The following EPHA10 variants were observed in gnomAD, a reference collection of about 807,000 sequenced individuals.
EPHA10 encodes the protein EPH receptor A10, also known as ephrin type-A receptor 10.
In EPHA10, 120 loss-of-function variants were observed where a neutral mutation model predicts 109.7. That is an observed-to-expected ratio of 1.09 (90% CI 0.94 to 1.27). The LOEUF is 1.27. Ranked by LOEUF, EPHA10 falls within the 50% of genes most tolerant of loss-of-function variation. The pLI is 0.00. For synonymous variants in EPHA10, 640 were observed against 618.9 expected, an observed-to-expected ratio of 1.03 and a Z score of -0.51; for missense variants, 1,396 against 1,411.1, an observed-to-expected ratio of 0.99 and a Z score of 0.17.
At chr1:37,755,293 C>G (rs1044049614) in intron 3 of EPHA10, among the ~76,000 whole-genome samples, 1 of 151,866 alleles carries the variant, frequency 6.6e-6, no homozygotes, top group African/African-American at 2.4e-5. Flanking sequence ...AGAGCTGTTC[C>G]ACAGTTACGC....
In EPHA10 at chr1:37,723,117, G is replaced by T; in HGVS notation, c.1884C>A (p.Asp628Glu). 1.9e-6 allele frequency: 3 copies of T among 1,614,202 alleles called. No homozygotes were observed. The highest frequency in any genetic ancestry group is 2.5e-6 in the Non-Finnish European group (3 of 1,180,040). ...CGAACAGATGCACAGCCTGCAGCAG[G>T]TCCCCACAGCTCTGGGGGTCCAGGA... ...RTFLDPQSCG[D>E]LLQAVHLFAK... The change falls in exon 10 of 17, where the codon GAC becomes GAA. Residue 628 changes from aspartate to glutamate, a missense_variant. Physicochemically the swap from Asp to Glu is conservative, Grantham distance 45. Transcript: ENST00000373048.
rs746750052 is a variant in EPHA10 at position 37,723,078 on chromosome 1, A to C, written c.1923T>G (p.Asp641Glu). ...QAVHLFAKEL[D>E]AKSVTLERSL... ...TCCTCTCCAGCGTGACGCTTTTCGC[A>C]TCCAGTTCCTTGGCGAACAGATGCA... The change falls in exon 10 of 17, where the codon GAT becomes GAG. Residue 641 changes from aspartate to glutamate, a missense_variant. By Grantham distance (45) the Asp-to-Glu change is conservative (BLOSUM62 2). Coordinates refer to ENST00000373048, the MANE Select transcript of EPHA10 (RefSeq NM_001099439.2). The C allele has an allele frequency of 1.9e-6, 3 of 1,614,092 alleles. No homozygotes were observed. In the Admixed American group the frequency reaches 5.0e-5, roughly 27 times the overall value.
At position 37,718,652 on chromosome 1, in the gene EPHA10, T is replaced by C; in HGVS notation, c.2912+9A>G. The C allele has an allele frequency of 6.2e-7, 1 of 1,613,138 alleles. No individual in the cohort carries two copies. Among genetic ancestry groups the C allele is most frequent in the Non-Finnish European group, 8.5e-7 (1 of 1,180,018 alleles). Reference sequence around the variant, plus strand: ...AGCCCCGGCCTTGACCTTGGTGCCTTGGACTCACTGGGCAGTCATCTCGGC... The same window carrying C: ...AGCCCCGGCCTTGACCTTGGTGCCTCGGACTCACTGGGCAGTCATCTCGGC... On this transcript the variant is annotated intron_variant, in intron 16 of 16. Transcript: ENST00000373048.
At chr1:37,744,613 T>C (rs926597537) in intron 5 of EPHA10, among the ~76,000 whole-genome samples, 2 of 151,558 alleles carry the variant, frequency 1.3e-5, no homozygotes, top group South Asian at 2.1e-4. Flanking sequence ...TGAGCCAAGA[T>C]TGCACCACTG....
chr1:37,737,983 T>C (rs1022839435), intron 5 of EPHA10: 1 of 36,148 alleles, frequency 2.8e-5, no homozygotes, highest in Non-Finnish European at 5.7e-5. Flanking sequence ...GCAGTGGGAG[T>C]GGAGATGAAC....
At chr1:37,750,348 T>G (rs1185389363) in intron 5 of EPHA10, among the ~76,000 whole-genome samples, 1 of 152,056 alleles carries the variant, frequency 6.6e-6, no homozygotes, top group Non-Finnish European at 1.5e-5. Context: ...GTAAATGCAA[T>G]AGCAAATGTT....
intron 5 of EPHA10, among the ~76,000 whole-genome samples, chr1:37,741,903 G>A (rs989432900): frequency 6.6e-6 from 1 of 152,166 alleles, no homozygotes; most frequent in African/African-American, 2.4e-5. Flanking sequence ...GCAGCTCCCA[G>A]AAAAGGCCTG....
chr1:37,742,859 T>C (rs891575269), intron 5 of EPHA10, among the ~76,000 whole-genome samples: 2 of 152,088 alleles, frequency 1.3e-5, no homozygotes, highest in Non-Finnish European at 1.5e-5. Context: ...TAGCTAGGCA[T>C]GTTGGCATGC....
chr1:37,720,599 C>A, intron 12 of EPHA10, 45 bp from the exon 13 acceptor site: 1 of 1,576,454 alleles, frequency 6.3e-7, no homozygotes, highest in South Asian at 1.1e-5. Flanking sequence ...GCTTGGATCC[C>A]CTGGTGTTGT....
Position 37,719,439 on chromosome 1 carries a change from T to TG in EPHA10, c.2730dup (p.Lys911GlnfsTer72), listed in dbSNP as rs768727314. ...CTGGGACAGGTAGTCAGGGCACACT[T>TG]GGGGGGCTCTGGGTCCTGCACCATC... On this transcript the variant is annotated frameshift_variant, in exon 15 of 17. Coordinates refer to ENST00000373048, the MANE Select transcript of EPHA10 (RefSeq NM_001099439.2). LOFTEE classifies it high-confidence loss of function. 2.5e-6 allele frequency: 4 copies of TG among 1,613,386 alleles called. No individual in the cohort carries two copies. Among genetic ancestry groups the TG allele is most frequent in the South Asian group, 1.1e-5 (1 of 90,976 alleles).
At position 37,731,495 on chromosome 1, in the gene EPHA10, A is replaced by G. The variant is rs752094749; in HGVS notation, c.1579T>C (p.Phe527Leu). Reference protein sequence around the residue: ...TNLKPATRYVFQIRAASPGPS... With the variant: ...TNLKPATRYVLQIRAASPGPS... ...CCCGGGGAAGCGGCCCGGATCTGAA[A>G]GACGTAGCGGGTAGCCGGCTTCAGG... The change falls in exon 7 of 17, where the codon TTT (phenylalanine) becomes CTT (leucine). Residue 527 changes from phenylalanine to leucine, a missense_variant. Coordinates refer to ENST00000373048, the MANE Select transcript of EPHA10 (RefSeq NM_001099439.2). 8 of 1,614,072 alleles carry G rather than the reference A, an allele frequency of 5.0e-6. No homozygotes were observed. In the South Asian group the frequency reaches 8.8e-5, roughly 18 times the overall value.
At chr1:37,723,406 G>A in intron 8 of EPHA10, 34 bp from the exon 9 acceptor site, 3 of 1,610,294 alleles carry the variant, frequency 1.9e-6, no homozygotes, top group Admixed American at 1.7e-5. Flanking sequence ...CTTTCAGCCA[G>A]GCCACCCCGG....
chr1:37,727,582 C>T (rs1486001136), intron 7 of EPHA10, among the ~76,000 whole-genome samples: 1 of 152,186 alleles, frequency 6.6e-6, no homozygotes, highest in Non-Finnish European at 1.5e-5. Flanking sequence ...GACCATCCAC[C>T]AACAATAATA....
intron 3 of EPHA10, among the ~76,000 whole-genome samples, chr1:37,758,526 C>T (rs193209124): frequency 7.2e-5 from 11 of 152,328 alleles, no homozygotes; most frequent in Admixed American, 7.2e-4. Flanking sequence ...CCTTGACTTA[C>T]CTGACTGCTT....
intron 5 of EPHA10, among the ~76,000 whole-genome samples, chr1:37,749,470 C>T (rs1014907429): frequency 2.0e-5 from 3 of 151,570 alleles, no homozygotes; most frequent in South Asian, 2.1e-4. Context: ...GTCAAGAGTT[C>T]GAGACCAGCC....
At chr1:37,722,776 C>G (rs760890674) in intron 10 of EPHA10, 2 of 592,364 alleles carry the variant, frequency 3.4e-6, no homozygotes, top group Non-Finnish European at 6.3e-6. Context: ...TGGGACTAAA[C>G]TGCCAGTGGC....
At chr1:37,720,713 A>C in intron 12 of EPHA10, 70 bp downstream of exon 12, 1 of 1,587,240 alleles carries the variant, frequency 6.3e-7, no homozygotes, top group Non-Finnish European at 8.6e-7. Flanking sequence ...GCCCTACCAA[A>C]GAGAAAAGTG....
chr1:37,761,896 C>A lies in EPHA10; in HGVS notation c.359G>T (p.Gly120Val). Residue 120 changes from glycine to valine, a missense_variant, in exon 3 of 17, where the codon GGT (glycine) becomes GTT (valine). Gly to Val is a moderately radical substitution (Grantham distance 109). Coordinates refer to ENST00000373048, the MANE Select transcript of EPHA10 (RefSeq NM_001099439.2). ...GACGTTGAAGGTCTCCTTGCAGGTA[C>A]CCGCGGCGCCAGGGATGCTGCTGCA... ...RDCSSIPGAA[G>V]TCKETFNVYY... 1 of 1,611,666 alleles carries A rather than the reference C, an allele frequency of 6.2e-7. No homozygotes were observed. The highest frequency in any genetic ancestry group is 8.5e-7 in the Non-Finnish European group (1 of 1,178,262).
At chr1:37,753,767 G>T (rs1429626744) in intron 4 of EPHA10, among the ~76,000 whole-genome samples, 1 of 152,004 alleles carries the variant, frequency 6.6e-6, no homozygotes, top group Non-Finnish European at 1.5e-5. Flanking sequence ...AGAGACGGGG[G>T]CGTGGGGGCC....
Sources: gnomAD v4.1 joint callset for allele counts (sites outside exome capture counted in the v4.1 genomes callset) on GRCh38, gnomAD v4.1.1 for gene constraint, MANE v1.5 for transcripts, NCBI Gene and HGNC (gene_info 2026-07-23, HGNC 2026-07-21) for gene names.